GLRA2: variants seen among roughly 807,000 people sequenced by gnomAD.
GLRA2 encodes the protein glycine receptor subunit alpha-2.
A neutral mutation model predicts 31.6 loss-of-function variants in GLRA2; 11 were observed. That is an observed-to-expected ratio of 0.35 (90% confidence interval 0.22 to 0.58). The LOEUF (loss-of-function observed/expected upper bound fraction) is 0.58, where lower values mean the gene tolerates loss of function less well. GLRA2 is among the 20% of genes least tolerant of loss of function. The pLI is 0.84. For missense variants in GLRA2, 212 were observed against 351.8 expected (o/e 0.60, Z 3.18); for synonymous variants, 132 against 134.0 (o/e 0.99, Z 0.10).
intron 7 of GLRA2, among the ~76,000 whole-genome samples, chrX:14,616,840 A>C (rs1446244193): frequency 7.1e-5 from 8 of 112,126 alleles, no homozygotes; most frequent in Non-Finnish European, 1.3e-4. Context: ...AAAAGTAAGA[A>C]AGCCAAGCAA....
At chrX:14,578,429 A>G (rs1451043954) in intron 3 of GLRA2, among the ~76,000 whole-genome samples, 1 of 111,904 alleles carries the variant, frequency 8.9e-6, no homozygotes, top group Non-Finnish European at 1.9e-5. Flanking sequence ...ATTTTTATGT[A>G]TCATTATTTT....
At chrX:14,614,711 A>G (rs1475123373) in intron 7 of GLRA2, among the ~76,000 whole-genome samples, 2 of 112,040 alleles carry the variant, frequency 1.8e-5, no homozygotes, top group African/African-American at 6.5e-5. Context: ...AAACCCAAAT[A>G]CTAAAGACAA....
At chrX:14,678,466 A>G (rs2091166620) in intron 7 of GLRA2, among the ~76,000 whole-genome samples, 1 of 111,397 alleles carries the variant, frequency 9.0e-6, no homozygotes, top group Non-Finnish European at 1.9e-5. Context: ...TTTGGAATGG[A>G]GAGAGTAAAG....
the GLRA2 span, among the ~76,000 whole-genome samples, chrX:14,502,417 T>C: frequency 2.7e-5 from 3 of 112,143 alleles, no homozygotes; most frequent in African/African-American, 9.7e-5. Context: ...TATTGATATA[T>C]GTAAAAATAT....
intron 2 of GLRA2, among the ~76,000 whole-genome samples, chrX:14,541,030 G>A (rs1041047377): frequency 1.6e-4 from 18 of 111,128 alleles, no homozygotes; most frequent in African/African-American, 5.5e-4. Flanking sequence ...TGGAGCTTAC[G>A]AAAATAATTA....
At chrX:14,690,542 A>G (rs1434434235) in intron 7 of GLRA2, among the ~76,000 whole-genome samples, 168 bp from the exon 8 acceptor site, 3 of 112,096 alleles carry the variant, frequency 2.7e-5, no homozygotes, top group Non-Finnish European at 3.8e-5. Flanking sequence ...AGTAGAATCA[A>G]TGGCTTAAGC....
chrX:14,482,456 A>G, the GLRA2 span, among the ~76,000 whole-genome samples: 1 of 111,013 alleles, frequency 9.0e-6, no homozygotes, highest in Non-Finnish European at 1.9e-5. Context: ...AACTTTCACC[A>G]AAGCAAAAAT....
chrX:14,564,236 G>T (rs2089771749), intron 2 of GLRA2, among the ~76,000 whole-genome samples: 1 of 110,192 alleles, frequency 9.1e-6, no homozygotes, highest in Non-Finnish European at 1.9e-5. Flanking sequence ...TTACATACAT[G>T]GGATCCCTAG....
At chrX:14,462,080 C>T in the GLRA2 span, among the ~76,000 whole-genome samples, 46 of 111,597 alleles carry the variant, frequency 4.1e-4, no homozygotes, top group East Asian at 0.01. Flanking sequence ...TTGTCTGTAA[C>T]GGATTTTATT....
At chrX:14,690,121 G>A (rs893279239) in intron 7 of GLRA2, among the ~76,000 whole-genome samples, 1 of 111,487 alleles carries the variant, frequency 9.0e-6, no homozygotes, top group Non-Finnish European at 1.9e-5. Flanking sequence ...GGCTTTTGAA[G>A]AGCCTAAGGC....
the GLRA2 span, among the ~76,000 whole-genome samples, chrX:14,513,677 C>T: frequency 8.9e-6 from 1 of 112,003 alleles, no homozygotes; most frequent in South Asian, 3.7e-4. Context: ...CTCAACATCA[C>T]TAATGATCAG....
upstream of GLRA2, among the ~76,000 whole-genome samples, chrX:14,524,419 A>G (rs956574822): frequency 8.9e-6 from 1 of 112,099 alleles, no homozygotes; most frequent in Non-Finnish European, 1.9e-5. Flanking sequence ...GGTGCATTTT[A>G]TCAAGGTGAA....
At chrX:14,477,917 G>C in the GLRA2 span, among the ~76,000 whole-genome samples, 5 of 110,884 alleles carry the variant, frequency 4.5e-5, no homozygotes, top group Non-Finnish European at 7.6e-5. Flanking sequence ...CAGACTTGAA[G>C]TTGTGACCTA....
intron 2 of GLRA2, among the ~76,000 whole-genome samples, chrX:14,557,150 C>G (rs1427706304): frequency 2.7e-5 from 2 of 72,839 alleles, no homozygotes; most frequent in Non-Finnish European, 4.6e-5. Context: ...GAGTCTCGCT[C>G]TGTCGCCCAG....
intron 4 of GLRA2, among the ~76,000 whole-genome samples, chrX:14,594,303 T>C (rs766141523): frequency 9.0e-6 from 1 of 111,555 alleles, no homozygotes; most frequent in Admixed American, 9.6e-5. Context: ...TAAAAATTGC[T>C]ACACTGTACA....
the GLRA2 span, among the ~76,000 whole-genome samples, chrX:14,504,526 C>T: frequency 9.0e-6 from 1 of 111,514 alleles, no homozygotes; most frequent in African/African-American, 3.3e-5. Flanking sequence ...ATGAGCAGAG[C>T]AAAGTCCACA....
Position 14,532,221 on chromosome X carries a change from A to G in GLRA2, c.69-18A>G. 9.2e-7 allele frequency: 1 copy of G among 1,091,255 alleles called. No homozygotes were observed. The highest frequency in any genetic ancestry group is 1.2e-6 in the Non-Finnish European group (1 of 823,566). The allele number at this position is 1,091,255 out of a possible 1,213,427, so 89.9% of individuals were successfully genotyped here. ...ATGCAAATGAAATTGTTGCTAAAAG[A>G]GTTAATGATGTGTTTAGGACGGCTT... On this transcript the variant is annotated intron_variant, in intron 1 of 8. Transcript: ENST00000218075.
intron 2 of GLRA2, among the ~76,000 whole-genome samples, chrX:14,539,755 T>C (rs1026899581): frequency 5.4e-5 from 6 of 112,052 alleles, no homozygotes; most frequent in Admixed American, 3.8e-4. Flanking sequence ...GCAATTATCA[T>C]TTGAGAAAAG....
At chrX:14,651,429 G>C (rs2090888962) in intron 7 of GLRA2, among the ~76,000 whole-genome samples, 1 of 111,252 alleles carries the variant, frequency 9.0e-6, no homozygotes, top group African/African-American at 3.3e-5. Context: ...ACCACACAAT[G>C]AGCTTTTTGG....
Sources: allele counts gnomAD v4.1 joint callset (sites outside exome capture counted in the v4.1 genomes callset), GRCh38; gene constraint gnomAD v4.1.1; transcripts MANE v1.5; gene names NCBI Gene and HGNC (gene_info 2026-07-23, HGNC 2026-07-21).